Variants in C19orf47 observed in about 807,000 individuals in gnomAD.
C19orf47 encodes the protein chromosome 19 open reading frame 47.
In C19orf47, 18 loss-of-function variants were observed where a neutral mutation model predicts 32.3. The ratio of observed to expected loss-of-function variants is 0.56; its 90% CI spans 0.39 to 0.83. C19orf47 has a LOEUF of 0.83. Among genes scored for constraint, C19orf47 ranks in the 40% least tolerant of loss-of-function variants. C19orf47 has a pLI of 0.00. For synonymous variants in C19orf47, 202 were observed against 211.1 expected, an observed-to-expected ratio of 0.96 and a Z score of 0.37; for missense variants, 484 against 531.6, an observed-to-expected ratio of 0.91 and a Z score of 0.88.
chr19:40,307,314 C>T, the C19orf47 span, among the ~76,000 whole-genome samples: 1 of 151,882 alleles, frequency 6.6e-6, no homozygotes, highest in Non-Finnish European at 1.5e-5. Flanking sequence ...AGACTGGTCT[C>T]GAACTCTTGT....
chr19:40,325,840 G>C (rs2077818178), intron 7 of C19orf47, among the ~76,000 whole-genome samples: 1 of 152,092 alleles, frequency 6.6e-6, no homozygotes, highest in Admixed American at 6.5e-5. Context: ...AGAGATAGGG[G>C]CTCACTATGT....
intron 1 of C19orf47, chr19:40,343,404 C>T (rs1161800859): frequency 1.3e-5 from 2 of 151,574 alleles, no homozygotes; most frequent in African/African-American, 4.9e-5. Flanking sequence ...TGTGTGATCT[C>T]GGCAAGTGAC....
chr19:40,321,574 G>A lies in C19orf47; in HGVS notation c.*308C>T, dbSNP rs2077718465. On this transcript the variant is annotated 3_prime_UTR_variant, in exon 9 of 9. Transcript: ENST00000683109. ...GCTCAGGGGAAGAAGGGGAATGTAG[G>A]AGAGGAAGAAGCCCCCTGGCACTTG... 1.7e-6 allele frequency: 2 copies of A among 1,149,806 alleles called. No individual in the cohort carries two copies. The highest frequency in any genetic ancestry group is 3.0e-5 in the South Asian group (1 of 33,288). 71.2% of individuals were successfully genotyped at this position (1,149,806 alleles called of 1,614,324 possible).
chr19:40,297,380 A>T, the C19orf47 span, among the ~76,000 whole-genome samples: 2 of 152,178 alleles, frequency 1.3e-5, no homozygotes, highest in Non-Finnish European at 2.9e-5. Context: ...AGCCTGGCCA[A>T]CATAGTGAAA....
intron 5 of C19orf47, among the ~76,000 whole-genome samples, chr19:40,333,459 A>C (rs2077997055): frequency 6.6e-6 from 1 of 152,086 alleles, no homozygotes; most frequent in African/African-American, 2.4e-5. Context: ...CGGTTAATGA[A>C]ATCAACATTA....
chr19:40,323,882 G>T, intron 8 of C19orf47, 124 bp downstream of exon 8: 1 of 1,179,458 alleles, frequency 8.5e-7, no homozygotes, highest in Non-Finnish European at 1.3e-6. Flanking sequence ...CAGGAACTGA[G>T]GCTGGAAAGG....
intron 2 of C19orf47, among the ~76,000 whole-genome samples, chr19:40,339,778 C>A (rs1257384644): frequency 1.3e-5 from 2 of 151,860 alleles, no homozygotes; most frequent in African/African-American, 2.4e-5. Context: ...TCAAGACCAG[C>A]CTGACCAACA....
At chr19:40,344,754 T>A (rs2078240793) in intron 1 of C19orf47, among the ~76,000 whole-genome samples, 1 of 152,178 alleles carries the variant, frequency 6.6e-6, no homozygotes, top group Admixed American at 6.6e-5. Flanking sequence ...CAAAAACAAG[T>A]TCTTCCTGAT....
At chr19:40,344,523 A>C (rs1280372416) in intron 1 of C19orf47, among the ~76,000 whole-genome samples, 2 of 152,108 alleles carry the variant, frequency 1.3e-5, no homozygotes, top group African/African-American at 4.8e-5. Flanking sequence ...TGCATCTCTC[A>C]AAGAACAGCA....
intron 6 of C19orf47, among the ~76,000 whole-genome samples, chr19:40,327,941 G>A (rs948584893): frequency 2.0e-5 from 3 of 152,194 alleles, no homozygotes; most frequent in East Asian, 1.9e-4. Context: ...CTTTATTACT[G>A]GAATAATGGG....
intron 1 of C19orf47, among the ~76,000 whole-genome samples, chr19:40,342,848 T>G (rs902318453): frequency 6.6e-6 from 1 of 152,124 alleles, no homozygotes. Context: ...CCAGTGTGGC[T>G]GCAGTGGAGC....
chr19:40,315,252 G>A (rs940061872), downstream of C19orf47, among the ~76,000 whole-genome samples: 2 of 152,076 alleles, frequency 1.3e-5, no homozygotes, highest in Admixed American at 1.3e-4. Context: ...TGTGACAAAC[G>A]TACCACCCCA....
chr19:40,302,674 G>C, the C19orf47 span, among the ~76,000 whole-genome samples: 1 of 152,156 alleles, frequency 6.6e-6, no homozygotes, highest in Non-Finnish European at 1.5e-5. Context: ...GAAAACTATA[G>C]TGTATCCATT....
intron 2 of C19orf47, among the ~76,000 whole-genome samples, chr19:40,340,373 T>C (rs979793994): frequency 6.6e-6 from 1 of 152,146 alleles, no homozygotes; most frequent in Non-Finnish European, 1.5e-5. Context: ...CTATGCTTTA[T>C]ATAAATGGAA....
intron 6 of C19orf47, among the ~76,000 whole-genome samples, chr19:40,327,685 C>T (rs8108272): frequency 0.98 from 149,784 of 152,204 alleles, 73,705 homozygotes; most frequent in East Asian, 1. Flanking sequence ...GCATGGTGGA[C>T]GGGAAGGCCT....
chr19:40,324,059 C>CAG lies in C19orf47; in HGVS notation c.608_609dup (p.Val204LeufsTer56). ...GTCTCGGCGCCGAGGCGGTCAAACA[C>CAG]AGACGTCCTATGGAGACCTGGGAGG... On this transcript the variant is annotated frameshift_variant, in exon 8 of 9. Transcript: ENST00000683109. LOFTEE classifies it high-confidence loss of function. 4 of 1,614,240 alleles carry CAG rather than the reference C, an allele frequency of 2.5e-6. No homozygotes were observed. The highest frequency in any genetic ancestry group is 3.4e-6 in the Non-Finnish European group (4 of 1,180,028).
chr19:40,307,493 G>A, the C19orf47 span, among the ~76,000 whole-genome samples: 9 of 152,106 alleles, frequency 5.9e-5, no homozygotes, highest in African/African-American at 2.2e-4. Context: ...CTGCCTCCTG[G>A]GCTCAAGGGA....
Position 40,342,032 on chromosome 19 carries a change from C to T in C19orf47, c.-33-142G>A, listed in dbSNP as rs116700699. On this transcript the variant is annotated intron_variant, in intron 1 of 8. Transcript: ENST00000683109. Reference sequence around the variant, plus strand: ...CCCAGGAATAGCCTGGAGCAGCTGGCAGGAAGTCAGCCTGGGACAGAGCTG... The same window carrying T: ...CCCAGGAATAGCCTGGAGCAGCTGGTAGGAAGTCAGCCTGGGACAGAGCTG... The T allele has an allele frequency of 1.6e-3, 2,388 of 1,471,250 alleles. 46 individuals carry two copies. In the African/African-American group the frequency reaches 0.03, roughly 18 times the overall value. The allele number at this position is 1,471,250 out of a possible 1,614,324, so 91.1% of individuals were successfully genotyped here. A position where few individuals can be genotyped will look rare whatever the true frequency, so the allele number is the denominator to read the frequency against.
chr19:40,342,519 G>C (rs1454555873), intron 1 of C19orf47: 1 of 152,540 alleles, frequency 6.6e-6, no homozygotes, highest in Non-Finnish European at 1.5e-5. Context: ...GGGATACCAA[G>C]TTGAACAAAG....
Sources: allele counts gnomAD v4.1 joint callset (sites outside exome capture counted in the v4.1 genomes callset), GRCh38; gene constraint gnomAD v4.1.1; transcripts MANE v1.5; gene names NCBI Gene and HGNC (gene_info 2026-07-23, HGNC 2026-07-21).